LRRC49: variants seen among roughly 807,000 people sequenced by gnomAD.
LRRC49 encodes the protein leucine-rich repeat-containing protein 49.
LRRC49 carries 50 observed loss-of-function variants against 83.3 expected under a neutral mutation model. The ratio of observed to expected loss-of-function variants is 0.60; its 90% confidence interval spans 0.48 to 0.76. LRRC49 has a LOEUF of 0.76. Ranked by LOEUF, LRRC49 falls within the 30% of genes least tolerant of loss-of-function variation. The probability of loss-of-function intolerance (pLI) is 0.00; values close to 1 mark genes in which losing one functional copy is unlikely to be tolerated. For synonymous variants in LRRC49, 286 were observed against 283.3 expected (o/e 1.01, Z -0.10); for missense variants, 704 against 809.1 (o/e 0.87, Z 1.58).
At chr15:70,966,856 A>G (rs2036813291) in intron 9 of LRRC49, among the ~76,000 whole-genome samples, 1 of 152,146 alleles carries the variant, frequency 6.6e-6, no homozygotes, top group African/African-American at 2.4e-5. Flanking sequence ...CCCTAAAGTT[A>G]CTTGCAGTTG....
intron 8 of LRRC49, among the ~76,000 whole-genome samples, chr15:70,954,474 T>C (rs975734106): frequency 3.9e-5 from 6 of 152,222 alleles, no homozygotes; most frequent in African/African-American, 1.4e-4. Context: ...GGGGAGCTAG[T>C]GTGATCATCT....
At chr15:70,882,697 C>T in intron 2 of LRRC49, 2 of 1,611,512 alleles carry the variant, frequency 1.2e-6, no homozygotes, top group Non-Finnish European at 1.7e-6. Context: ...CTTTGCTTTT[C>T]ATATATCTTT....
intron 9 of LRRC49, among the ~76,000 whole-genome samples, chr15:70,965,754 T>A (rs1477449003): frequency 6.6e-6 from 1 of 152,172 alleles, no homozygotes; most frequent in African/African-American, 2.4e-5. Context: ...CAAGCTTTTC[T>A]TTGTGAAGAT....
At chr15:70,903,943 A>G (rs1007977079) in intron 4 of LRRC49, among the ~76,000 whole-genome samples, 1 of 152,204 alleles carries the variant, frequency 6.6e-6, no homozygotes, top group Non-Finnish European at 1.5e-5. Flanking sequence ...AGTGTTGAGC[A>G]TGTAAACATA....
chr15:70,918,909 T>C, intron 6 of LRRC49, 141 bp from the exon 7 acceptor site: 1 of 604,482 alleles, frequency 1.7e-6, no homozygotes, highest in Non-Finnish European at 2.8e-6. Flanking sequence ...GCATAGGAAA[T>C]TGAAAATAGA....
intron 6 of LRRC49, among the ~76,000 whole-genome samples, chr15:70,917,179 G>A (rs949823608): frequency 3.3e-5 from 5 of 152,178 alleles, no homozygotes; most frequent in East Asian, 1.9e-4. Context: ...CTAGGTGCTG[G>A]CCTGCAGGTG....
At chr15:71,022,829 A>G (rs1187125203) in intron 14 of LRRC49, among the ~76,000 whole-genome samples, 2 of 152,204 alleles carry the variant, frequency 1.3e-5, no homozygotes, top group African/African-American at 4.8e-5. Context: ...CCACTTAGAG[A>G]ACATTGCCCC....
chr15:71,040,819 C>CCA (rs2039678881), intron 15 of LRRC49, among the ~76,000 whole-genome samples: 1 of 98,858 alleles, frequency 1.0e-5, no homozygotes, highest in Non-Finnish European at 1.9e-5. Flanking sequence ...GACTCCGTCT[C>CCA]AAAAAAAAAA....
At chr15:71,015,723 A>G (rs553424700) in intron 14 of LRRC49, among the ~76,000 whole-genome samples, 2 of 152,352 alleles carry the variant, frequency 1.3e-5, no homozygotes, top group South Asian at 2.1e-4. Flanking sequence ...ATACTTGTTC[A>G]TAGTAACTTA....
chr15:70,957,000 C>T (rs1435451786), intron 8 of LRRC49, among the ~76,000 whole-genome samples: 1 of 152,140 alleles, frequency 6.6e-6, no homozygotes, highest in Non-Finnish European at 1.5e-5. Context: ...TGGGCATCTA[C>T]AGGTCTTTTA....
At chr15:71,032,237 C>A (rs2039380960) in intron 14 of LRRC49, among the ~76,000 whole-genome samples, 1 of 152,144 alleles carries the variant, frequency 6.6e-6, no homozygotes, top group African/African-American at 2.4e-5. Flanking sequence ...GGAGGGAGAT[C>A]CCTGGCTCCT....
chr15:70,982,673 C>A (rs1233719681), intron 10 of LRRC49, among the ~76,000 whole-genome samples: 1 of 152,062 alleles, frequency 6.6e-6, no homozygotes, highest in Non-Finnish European at 1.5e-5. Context: ...ATGCAGTTCA[C>A]AGGTGTGACT....
At chr15:70,864,054 G>A (rs571964825) in intron 1 of LRRC49, among the ~76,000 whole-genome samples, 1 of 152,292 alleles carries the variant, frequency 6.6e-6, no homozygotes, top group African/African-American at 2.4e-5. Context: ...TAGCAGAGGA[G>A]GCTGGGGCAG....
At chr15:70,938,902 T>G (rs1009014901) in intron 8 of LRRC49, among the ~76,000 whole-genome samples, 2 of 152,218 alleles carry the variant, frequency 1.3e-5, no homozygotes, top group Non-Finnish European at 2.9e-5. Context: ...AAGATCAATT[T>G]AGTGATTTAA....
At chr15:70,871,101 C>A (rs1293979511) in intron 1 of LRRC49, among the ~76,000 whole-genome samples, 3 of 151,752 alleles carry the variant, frequency 2.0e-5, no homozygotes, top group Non-Finnish European at 2.9e-5. Context: ...GACCCTGCGG[C>A]CTTCCGCAGT....
intron 11 of LRRC49, among the ~76,000 whole-genome samples, chr15:71,006,602 T>C (rs914872675): frequency 6.6e-6 from 1 of 152,132 alleles, no homozygotes; most frequent in Non-Finnish European, 1.5e-5. Context: ...ATTGTCCCAC[T>C]TCATTAATTC....
At position 70,928,831 on chromosome 15, in the gene LRRC49, T is replaced by C. The variant is rs377654662; in HGVS notation, c.712-7930T>C. On this transcript the variant is annotated intron_variant, in intron 7 of 15. Coordinates refer to ENST00000260382, the MANE Select transcript of LRRC49 (RefSeq NM_017691.5). ...CCACCCGCCTTGGCCTCCCAAAGTA[T>C]TGGGATTACAGGCATGAGCCCCCGT... Among the ~76,000 whole-genome samples, 48 of 152,250 alleles carry C rather than the reference T, an allele frequency of 3.2e-4. 1 individual carries two copies. The highest frequency in any genetic ancestry group is 1.1e-3 in the African/African-American group (46 of 41,556).
At chr15:70,912,065 T>TA (rs1007258369) in intron 6 of LRRC49, among the ~76,000 whole-genome samples, 1 of 152,106 alleles carries the variant, frequency 6.6e-6, no homozygotes, top group African/African-American at 2.4e-5. Context: ...TCTCTTAATT[T>TA]AAAAAAGGTA....
chr15:70,891,827 C>T (rs775323252), upstream of LRRC49: 14 of 1,543,702 alleles, frequency 9.1e-6, no homozygotes, highest in African/African-American at 4.1e-5. Flanking sequence ...ACACAACCTT[C>T]GGTGGTCTCT....
Sources: allele counts gnomAD v4.1 joint callset (sites outside exome capture counted in the v4.1 genomes callset), GRCh38; gene constraint gnomAD v4.1.1; transcripts MANE v1.5; gene names NCBI Gene and HGNC (gene_info 2026-07-23, HGNC 2026-07-21).